FAM20B: variants seen among roughly 807,000 people sequenced by gnomAD.
FAM20B encodes the protein FAM20B glycosaminoglycan xylosylkinase, also known as glycosaminoglycan xylosylkinase.
In FAM20B, 23 loss-of-function variants were observed where a neutral mutation model predicts 43.8. The observed-to-expected ratio is 0.53, with a 90% confidence interval of 0.38 to 0.74. The LOEUF (loss-of-function observed/expected upper bound fraction) is 0.74, where lower values mean the gene tolerates loss of function less well. FAM20B is among the 30% of genes least tolerant of loss of function. FAM20B has a pLI of 0.00. For synonymous variants in FAM20B, 178 were observed against 192.4 expected (o/e 0.93, Z 0.62); for missense variants, 440 against 510.5 (o/e 0.86, Z 1.33).
intron 1 of FAM20B, among the ~76,000 whole-genome samples, chr1:179,039,992 T>G (rs539751593): frequency 6.6e-6 from 1 of 152,288 alleles, no homozygotes; most frequent in South Asian, 2.1e-4. Flanking sequence ...GCACCGCCCT[T>G]AATCCATTTA....
intron 3 of FAM20B, among the ~76,000 whole-genome samples, chr1:179,052,485 A>T (rs1651047336): frequency 6.6e-6 from 1 of 152,234 alleles, no homozygotes. Flanking sequence ...ATATATCAAA[A>T]TTAAGGATAA....
Position 179,075,456 on chromosome 1 carries a change from A to G in FAM20B, c.*3312A>G, listed in dbSNP as rs947619917. ...AAAGTTCGAATGGATAAATTTGAGT[A>G]TAAAGGTTTTGTTATAAAACTGTTC... is the stretch of plus-strand genomic sequence containing the variant. On this transcript the variant is annotated 3_prime_UTR_variant, in exon 8 of 8. Transcript: ENST00000263733. 7 of 152,584 alleles carry G rather than the reference A, an allele frequency of 4.6e-5. No homozygotes were observed. The highest frequency in any genetic ancestry group is 1.7e-4 in the African/African-American group (7 of 41,452). 9.5% of individuals were successfully genotyped at this position (152,584 alleles called of 1,614,324 possible).
rs149513260 is a variant in FAM20B at position 179,064,464 on chromosome 1, T to A, written c.906T>A (p.Ala302=). ...AGAGCTTTCAAGATGATGAAGGCGC[T>A]AGTATGCTCATCCTTCTTGATAATG... The part of the protein sequence containing the change: ...HYESFQDDEG[A]SMLILLDNAK... The change falls in exon 6 of 8, where the codon GCT becomes GCA. Residue 302 remains alanine (A), a synonymous_variant. Transcript: ENST00000263733. The A allele has an allele frequency of 3.7e-6, 6 of 1,613,894 alleles. No homozygotes were observed. Among genetic ancestry groups the A allele is most frequent in the Non-Finnish European group, 5.1e-6 (6 of 1,179,876 alleles).
At chr1:179,035,180 A>AC (rs1269794248) in intron 1 of FAM20B, 17 of 388,230 alleles carry the variant, frequency 4.4e-5, no homozygotes, top group South Asian at 2.5e-4. Context: ...TGATCTGTAG[A>AC]CCCCCACACC....
chr1:179,057,005 T>TTGGTA (rs1157283959), intron 4 of FAM20B, among the ~76,000 whole-genome samples: 2 of 152,218 alleles, frequency 1.3e-5, no homozygotes, highest in Non-Finnish European at 2.9e-5. Context: ...TTAGGAGTTC[T>TTGGTA]TGGTATGGTA....
At position 179,025,975 on chromosome 1, in the gene FAM20B, CGGCGGCGGCTGGGGGCGGT is replaced by C. The variant is rs918020697; in HGVS notation, c.-255_-237del. On this transcript the variant is annotated 5_prime_UTR_variant, in exon 1 of 8. It removes the in-frame stop codon of an upstream open reading frame in the 5' UTR. Coordinates refer to ENST00000263733, the MANE Select transcript of FAM20B (RefSeq NM_014864.4). ...GGGTGGGCCGGAGCCGCTGTGGCGG[CGGCGGCGGCTGGGGGCGGT>C]GAGCGCGGCGTGGGGCTGCCCCTCC... The C allele has an allele frequency of 4.8e-5, 6 of 125,830 alleles. No homozygotes were observed. The highest frequency in any genetic ancestry group is 8.4e-5 in the Non-Finnish European group (5 of 59,388). The allele number at this position is 125,830 out of a possible 1,614,324, so 7.8% of individuals were successfully genotyped here. A position where few individuals can be genotyped will look rare whatever the true frequency, so the allele number is the denominator to read the frequency against.
chr1:179,035,330 G>A lies in FAM20B; in HGVS notation c.-133-8385G>A, dbSNP rs994963155. On this transcript the variant is annotated intron_variant, in intron 1 of 7. Transcript: ENST00000263733. ...CCTTACACGGGCTTTGGTGGGGGTC[G>A]TGGGGCAGCACCCACAGGTCTAAAT... 28 of 675,190 alleles carry A rather than the reference G, an allele frequency of 4.1e-5. No individual in the cohort carries two copies. In the Middle Eastern group the frequency reaches 1.3e-3, roughly 31 times the overall value. The allele number at this position is 675,190 out of a possible 1,614,324, so 41.8% of individuals were successfully genotyped here.
chr1:179,059,719 C>T (rs1430492535), intron 4 of FAM20B, among the ~76,000 whole-genome samples: 1 of 152,072 alleles, frequency 6.6e-6, no homozygotes, highest in Non-Finnish European at 1.5e-5. Flanking sequence ...CGCCTGTAAC[C>T]CCAGTACTTT....
At chr1:179,068,405 C>T (rs918168015) in intron 7 of FAM20B, among the ~76,000 whole-genome samples, 4 of 152,054 alleles carry the variant, frequency 2.6e-5, no homozygotes, top group African/African-American at 9.6e-5. Flanking sequence ...ATAGCAAAGA[C>T]ATAGTGTGAT....
the FAM20B span, among the ~76,000 whole-genome samples, chr1:179,017,513 G>A: frequency 1.3e-5 from 2 of 152,166 alleles, no homozygotes; most frequent in African/African-American, 2.4e-5. Flanking sequence ...CTGTGTTTGC[G>A]TATGGAGGAA....
chr1:179,030,879 A>C (rs1008434164), intron 1 of FAM20B, among the ~76,000 whole-genome samples: 36 of 137,226 alleles, frequency 2.6e-4, no homozygotes, highest in South Asian at 8.9e-4. Flanking sequence ...CAGATGTGCC[A>C]AAAAAAAAAA....
At chr1:179,054,452 A>G in intron 3 of FAM20B, 77 bp from the exon 4 acceptor site, 1 of 866,808 alleles carries the variant, frequency 1.2e-6, no homozygotes. Flanking sequence ...GACATGATGA[A>G]CTGTAATTTT....
rs1651942362 is a variant in FAM20B at position 179,071,961 on chromosome 1, G to T, written c.1047G>T (p.Val349=). 3 of 1,614,016 alleles carry T rather than the reference G, an allele frequency of 1.9e-6. No individual in the cohort carries two copies. Among genetic ancestry groups the T allele is most frequent in the Non-Finnish European group, 2.5e-6 (3 of 1,180,032 alleles). The stretch of plus-strand genomic sequence containing the variant: ...GACTGAACTACCTAAAGAATGGTGT[G>T]CTAAAGTCTGCCTTAAAATCTGCCA... ...WNRLNYLKNG[V]LKSALKSAMA... is the part of the protein sequence containing the mutation. Residue 349 remains valine, a synonymous_variant, in exon 8 of 8, where the codon GTG becomes GTT. Transcript: ENST00000263733.
intron 7 of FAM20B, 72 bp from the exon 8 acceptor site, chr1:179,071,841 G>T: frequency 1.9e-6 from 2 of 1,058,966 alleles, no homozygotes; most frequent in Admixed American, 3.9e-5. Context: ...ACTTTTGTCT[G>T]CCTAGCAGGC....
chr1:179,021,422 C>G (rs1452050595), upstream of FAM20B, among the ~76,000 whole-genome samples: 1 of 152,198 alleles, frequency 6.6e-6, no homozygotes, highest in African/African-American at 2.4e-5. Flanking sequence ...TTGCAATTCT[C>G]TCTCCACCCA....
At chr1:179,032,186 T>C (rs1650040315) in intron 1 of FAM20B, among the ~76,000 whole-genome samples, 1 of 152,020 alleles carries the variant, frequency 6.6e-6, no homozygotes, top group African/African-American at 2.4e-5. Flanking sequence ...CCAATGAGGG[T>C]TTTCTTTGTC....
intron 4 of FAM20B, among the ~76,000 whole-genome samples, chr1:179,056,797 A>G (rs887793699): frequency 2.0e-5 from 3 of 152,034 alleles, no homozygotes; most frequent in Non-Finnish European, 2.9e-5. Context: ...GCAGCATTTG[A>G]TGTTGTCATA....
At chr1:179,060,259 G>A (rs886538973) in intron 4 of FAM20B, among the ~76,000 whole-genome samples, 2 of 152,060 alleles carry the variant, frequency 1.3e-5, no homozygotes, top group Non-Finnish European at 2.9e-5. Flanking sequence ...CATTATTTGG[G>A]TCTACCATAA....
In FAM20B at chr1:179,027,260, A is replaced by G. The variant is rs1427213271; in HGVS notation, c.-134+1162A>G. 3.9e-5 allele frequency among the ~76,000 whole-genome samples: 6 copies of G among 152,208 alleles called. No homozygotes were observed. In the South Asian group the frequency reaches 6.2e-4, roughly 16 times the overall value. On this transcript the variant is annotated intron_variant, in intron 1 of 7. Transcript: ENST00000263733. ...GTTTTTTGCGTTGTAAATTCTTGCA[A>G]AAATTTCACTGGCGTTGATTTCTAA...
Sources: gnomAD v4.1 joint callset for allele counts (sites outside exome capture counted in the v4.1 genomes callset) on GRCh38, gnomAD v4.1.1 for gene constraint, MANE v1.5 for transcripts, NCBI Gene and HGNC (gene_info 2026-07-23, HGNC 2026-07-21) for gene names.